The following DCC variants were observed in gnomAD, a reference collection of about 807,000 sequenced individuals.
The protein encoded by DCC is DCC netrin 1 receptor.
Under a neutral mutation model 172.5 loss-of-function variants are expected in DCC, and 58 were observed. That is an observed-to-expected ratio of 0.34 (90% CI 0.27 to 0.42). The LOEUF is 0.42. DCC is among the 10% of genes least tolerant of loss of function. DCC has a pLI of 1.00. For missense variants in DCC, 1,740 were observed against 1,791.0 expected (o/e 0.97, Z 0.51); for synonymous variants, 709 against 644.5 (o/e 1.10, Z -1.52).
intron 21 of DCC, among the ~76,000 whole-genome samples, chr18:53,424,535 GGATTT>G: frequency 1.3e-5 from 2 of 152,204 alleles, no homozygotes; most frequent in South Asian, 4.2e-4. Context: ...GTATGTTACG[GGATTT>G]CAGATAAATC....
At position 52,377,698 on chromosome 18, in the gene DCC, C is replaced by CTTT. The variant is rs34881042; in HGVS notation, c.91+36834_91+36836dup. On this transcript the variant is annotated intron_variant, in intron 1 of 28. Transcript: ENST00000442544. Reference sequence around the variant, plus strand: ...ACAGAAAAAAAAAACTATTAAGCCACTTTTTTTTTTTTTTTTCTTGAGACA... The same window carrying CTTT: ...ACAGAAAAAAAAAACTATTAAGCCACTTTTTTTTTTTTTTTTTTTCTTGAGACA... Among the ~76,000 whole-genome samples the CTTT allele has an allele frequency of 2.1e-3, 291 of 136,010 alleles. 3 individuals are homozygous for CTTT. Among genetic ancestry groups the CTTT allele is most frequent in the Middle Eastern group, 7.8e-3 (2 of 258 alleles). The allele number at this position is 136,010 out of a possible 152,430, so 89.2% of individuals were successfully genotyped here. A position where few individuals can be genotyped will look rare whatever the true frequency, so the allele number is the denominator to read the frequency against.
At chr18:52,642,034 ATATATATATATACTGTGGTGTGTGTG>A (rs2034907548) in intron 1 of DCC, among the ~76,000 whole-genome samples, 1 of 32,088 alleles carries the variant, frequency 3.1e-5, no homozygotes, top group Non-Finnish European at 7.0e-5. Flanking sequence ...ATATATATAT[ATATATATATATACTGTGGTGTGTGTG>A]TGTATATATA....
chr18:53,049,517 C>T (rs1447278683), intron 5 of DCC, among the ~76,000 whole-genome samples: 1 of 151,842 alleles, frequency 6.6e-6, no homozygotes, highest in African/African-American at 2.4e-5. Context: ...TATTTCTGGG[C>T]TCTCTATTCT....
chr18:53,090,465 G>A (rs1433401372), intron 7 of DCC, among the ~76,000 whole-genome samples: 4 of 151,482 alleles, frequency 2.6e-5, no homozygotes, highest in African/African-American at 7.3e-5. Flanking sequence ...AGGCCGAGGC[G>A]GGCGGATCAC....
At chr18:52,621,111 C>T (rs141066892) in intron 1 of DCC, among the ~76,000 whole-genome samples, 9 of 152,272 alleles carry the variant, frequency 5.9e-5, no homozygotes, top group Middle Eastern at 3.4e-3. Context: ...GGCTGCTAGC[C>T]GCCAAATCCA....
In DCC at chr18:53,368,346, G is replaced by A. The variant is rs560531968; in HGVS notation, c.2360-17697G>A. Among the ~76,000 whole-genome samples the A allele has an allele frequency of 2.8e-4, 43 of 152,172 alleles. No homozygotes were observed. The Middle Eastern group carries it at 0.01, about 36-fold the overall frequency. ...TATTGTGCATATTAATATTTTATCA[G>A]CTATATAACTTACAAACCCTTTATT... On this transcript the variant is annotated intron_variant, in intron 15 of 28. Coordinates refer to ENST00000442544, the MANE Select transcript of DCC (RefSeq NM_005215.4).
At chr18:52,887,881 T>C (rs114929946) in intron 2 of DCC, among the ~76,000 whole-genome samples, 2,616 of 152,298 alleles carry the variant, frequency 0.017, 56 homozygotes, top group African/African-American at 0.046. Flanking sequence ...TTTTTCCAAG[T>C]AGGAGACCTT....
At chr18:53,400,431 C>G (rs1252695642) in intron 18 of DCC, among the ~76,000 whole-genome samples, 3 of 151,982 alleles carry the variant, frequency 2.0e-5, no homozygotes, top group Non-Finnish European at 4.4e-5. Context: ...TCCTAGAGGT[C>G]CTGGTGTTTA....
rs1315258907 is a variant in DCC at position 53,351,428 on chromosome 18, A to G, written c.2359+11521A>G. 1.0e-3 allele frequency among the ~76,000 whole-genome samples: 41 copies of G among 39,154 alleles called. 2 individuals are homozygous for G. Among genetic ancestry groups the G allele is most frequent in the African/African-American group, 3.0e-3 (38 of 12,624 alleles). 25.7% of individuals were successfully genotyped at this position (39,154 alleles called of 152,430 possible). A position where few individuals can be genotyped will look rare whatever the true frequency, so the allele number is the denominator to read the frequency against. The stretch of plus-strand genomic sequence containing the variant: ...ATATATATATATATACACACTGTGT[A>G]TATATATATACAGTGTATATATATA... On this transcript the variant is annotated intron_variant, in intron 15 of 28. Transcript: ENST00000442544.
intron 5 of DCC, among the ~76,000 whole-genome samples, chr18:53,012,234 G>C (rs2041740705): frequency 6.6e-6 from 1 of 151,910 alleles, no homozygotes; most frequent in Non-Finnish European, 1.5e-5. Flanking sequence ...ATTGCCAAAA[G>C]AAGGTATTCA....
At chr18:52,404,506 G>A (rs1312354881) in intron 1 of DCC, among the ~76,000 whole-genome samples, 2 of 151,956 alleles carry the variant, frequency 1.3e-5, no homozygotes, top group South Asian at 4.1e-4. Context: ...ACTGAAGTTG[G>A]TAAAGAAAGA....
At chr18:52,973,188 G>A (rs930102010) in intron 5 of DCC, among the ~76,000 whole-genome samples, 3 of 152,078 alleles carry the variant, frequency 2.0e-5, no homozygotes, top group Non-Finnish European at 4.4e-5. Context: ...TTAATATAAT[G>A]CAGTCTATGG....
At chr18:52,679,243 T>C (rs61464876) in intron 1 of DCC, among the ~76,000 whole-genome samples, 6,251 of 152,132 alleles carry the variant, frequency 0.041, 196 homozygotes, top group South Asian at 0.13. Context: ...TTTCCTGTTA[T>C]TATTTTTAAA....
chr18:52,785,008 A>G (rs2037629488), intron 2 of DCC, among the ~76,000 whole-genome samples: 1 of 151,904 alleles, frequency 6.6e-6, no homozygotes. Flanking sequence ...AGCAGATTTT[A>G]TAGGAAGGCT....
At chr18:52,569,478 T>G (rs1022019888) in intron 1 of DCC, among the ~76,000 whole-genome samples, 2 of 152,182 alleles carry the variant, frequency 1.3e-5, no homozygotes, top group East Asian at 3.8e-4. Context: ...GAGGGAAACA[T>G]GACTTAGAGA....
At chr18:53,066,722 G>A (rs1298245932) in intron 7 of DCC, among the ~76,000 whole-genome samples, 2 of 151,862 alleles carry the variant, frequency 1.3e-5, no homozygotes, top group Non-Finnish European at 2.9e-5. Context: ...GTTAATTAGT[G>A]TATTAGTCTG....
Position 52,868,033 on chromosome 18 carries a change from G to GTATATA in DCC, c.413-37995_413-37990dup, listed in dbSNP as rs1555675493. Among the ~76,000 whole-genome samples, 27 of 120,474 alleles carry GTATATA rather than the reference G, an allele frequency of 2.2e-4. 1 individual carries two copies. In the South Asian group the frequency reaches 3.0e-3, roughly 13 times the overall value. The allele number at this position is 120,474 out of a possible 152,430, so 79.0% of individuals were successfully genotyped here. A position where few individuals can be genotyped will look rare whatever the true frequency, so the allele number is the denominator to read the frequency against. The stretch of plus-strand genomic sequence containing the variant: ...TGAGATTGCTAATATGTGTATGTGT[G>GTATATA]TATATATATATATATATATATGTGT... On this transcript the variant is annotated intron_variant, in intron 2 of 28. Coordinates refer to ENST00000442544, the MANE Select transcript of DCC (RefSeq NM_005215.4).
At chr18:52,395,487 G>A (rs1374378742) in intron 1 of DCC, among the ~76,000 whole-genome samples, 2 of 152,020 alleles carry the variant, frequency 1.3e-5, no homozygotes, top group East Asian at 3.9e-4. Context: ...CTTCGGGGTT[G>A]GTAACAGGAG....
chr18:53,444,377 A>G (rs1912462020), intron 22 of DCC, among the ~76,000 whole-genome samples: 1 of 152,166 alleles, frequency 6.6e-6, no homozygotes, highest in South Asian at 2.1e-4. Context: ...CACCATCTAT[A>G]CTGAAAATAC....
Sources: gnomAD v4.1 joint callset for allele counts (sites outside exome capture counted in the v4.1 genomes callset) on GRCh38, gnomAD v4.1.1 for gene constraint, MANE v1.5 for transcripts, NCBI Gene and HGNC (gene_info 2026-07-23, HGNC 2026-07-21) for gene names.